Variants in SMAD3 observed in about 807,000 individuals in gnomAD.
SMAD3 encodes the protein MAD homolog 3.
SMAD3 carries 12 observed loss-of-function variants against 51.8 expected under a neutral mutation model. The ratio of observed to expected loss-of-function variants is 0.23; its 90% CI spans 0.15 to 0.38. The LOEUF is 0.38. Among genes scored for constraint, SMAD3 ranks in the 10% least tolerant of loss-of-function variants. SMAD3 has a pLI of 1.00. For missense variants in SMAD3, 294 were observed against 565.6 expected (o/e 0.52, Z 4.87); for synonymous variants, 238 against 227.7 (o/e 1.05, Z -0.41).
intron 1 of SMAD3, among the ~76,000 whole-genome samples, chr15:67,153,040 G>A (rs1336386099): frequency 1.3e-5 from 2 of 152,266 alleles, no homozygotes; most frequent in Admixed American, 6.5e-5. Flanking sequence ...TCAAGCCCAG[G>A]CACTGTTCCT....
intron 1 of SMAD3, among the ~76,000 whole-genome samples, chr15:67,155,875 T>C (rs1042288321): frequency 1.3e-5 from 2 of 151,806 alleles, no homozygotes; most frequent in Admixed American, 6.6e-5. Context: ...TAATCCCAGC[T>C]ACTCAGGAGG....
chr15:67,093,448 T>A (rs1348586285), intron 1 of SMAD3, among the ~76,000 whole-genome samples: 1 of 151,880 alleles, frequency 6.6e-6, no homozygotes, highest in Admixed American at 6.6e-5. Flanking sequence ...GTAGGAAGGG[T>A]GGCTGGATTG....
chr15:67,151,139 G>T (rs947042661), intron 1 of SMAD3, among the ~76,000 whole-genome samples: 6 of 151,568 alleles, frequency 4.0e-5, no homozygotes, highest in African/African-American at 1.5e-4. Flanking sequence ...GATTACAGAC[G>T]TGAGCCACCA....
Position 67,110,639 on chromosome 15 carries a change from CTG to C in SMAD3, c.206+44284_206+44285del, listed in dbSNP as rs1413792236. ...CTCTCTGTGTCTGTGACATCCAGCC[CTG>C]TGTGGGCTACCCTGGTTGCAAAGTG... On this transcript the variant is annotated intron_variant, in intron 1 of 8. Coordinates refer to ENST00000327367, the MANE Select transcript of SMAD3 (RefSeq NM_005902.4). Among the ~76,000 whole-genome samples the C allele has an allele frequency of 4.6e-5, 7 of 152,206 alleles. No homozygotes were observed. The East Asian group carries it at 1.3e-3, about 29-fold the overall frequency.
chr15:67,182,829 C>CTGTT (rs879113275), intron 6 of SMAD3, among the ~76,000 whole-genome samples: 17 of 151,080 alleles, frequency 1.1e-4, no homozygotes, highest in Non-Finnish European at 2.4e-4. Flanking sequence ...TGGCATACCA[C>CTGTT]TGTTTGATTG....
intron 1 of SMAD3, among the ~76,000 whole-genome samples, chr15:67,081,931 TGGGTTA>T (rs1452932793): frequency 6.6e-6 from 1 of 152,204 alleles, no homozygotes; most frequent in East Asian, 1.9e-4. Context: ...AAATTTTATT[TGGGTTA>T]GTGCAAAAGT....
chr15:67,127,939 T>C (rs1016489376), intron 1 of SMAD3, among the ~76,000 whole-genome samples: 1 of 152,352 alleles, frequency 6.6e-6, no homozygotes, highest in South Asian at 2.1e-4. Flanking sequence ...GCCTTGCTAA[T>C]GTGTTCCTCT....
intron 1 of SMAD3, among the ~76,000 whole-genome samples, chr15:67,130,345 G>A (rs867967624): frequency 2.6e-5 from 4 of 152,174 alleles, no homozygotes; most frequent in Admixed American, 1.3e-4. Context: ...CCCCAACCCC[G>A]GGGCCGTGGA....
chr15:67,130,886 G>A (rs372825190), intron 1 of SMAD3, among the ~76,000 whole-genome samples: 3 of 151,894 alleles, frequency 2.0e-5, no homozygotes, highest in African/African-American at 4.8e-5. Context: ...GATAGCTAGT[G>A]GGGGGTATGA....
At chr15:67,102,795 G>A (rs1383498243) in intron 1 of SMAD3, among the ~76,000 whole-genome samples, 1 of 152,094 alleles carries the variant, frequency 6.6e-6, no homozygotes, top group Non-Finnish European at 1.5e-5. Flanking sequence ...AAGTTCTTTG[G>A]AAGTGACCGC....
Position 67,113,094 on chromosome 15 carries a change from A to AT in SMAD3, c.206+46741dup, listed in dbSNP as rs1555408280. ...TATATGTGTATATATATATATATAT[A>AT]TTTTTTTGAGACAGAGTCTTGCTCT... On this transcript the variant is annotated intron_variant, in intron 1 of 8. Transcript: ENST00000327367. Among the ~76,000 whole-genome samples, 6 of 112,564 alleles carry AT rather than the reference A, an allele frequency of 5.3e-5. 2 individuals carry two copies. Among genetic ancestry groups the AT allele is most frequent in the African/African-American group, 2.1e-4 (6 of 28,070 alleles). The allele number at this position is 112,564 out of a possible 152,430, so 73.8% of individuals were successfully genotyped here.
intron 3 of SMAD3, 103 bp from the exon 4 acceptor site, chr15:67,166,676 G>T (rs914002260): frequency 1.3e-6 from 1 of 790,890 alleles, no homozygotes; most frequent in Non-Finnish European, 2.2e-6. Context: ...CTACAGCCAC[G>T]GATGCTAGCA....
chr15:67,125,845 G>A (rs573304800), intron 1 of SMAD3: 12 of 985,428 alleles, frequency 1.2e-5, no homozygotes, highest in East Asian at 1.1e-4. Flanking sequence ...CAAGAGCCGC[G>A]GCACTGGGGT....
intron 1 of SMAD3, among the ~76,000 whole-genome samples, chr15:67,100,355 C>T (rs1960723689): frequency 6.6e-6 from 1 of 151,890 alleles, no homozygotes; most frequent in African/African-American, 2.4e-5. Context: ...TAGTAGTTGC[C>T]AGGGATGGAG....
rs534450546 is a variant in SMAD3 at position 67,073,749 on chromosome 15, A to C, written c.206+7389A>C. On this transcript the variant is annotated intron_variant, in intron 1 of 8. Transcript: ENST00000327367. Reference sequence around the variant, plus strand: ...AAGTGCAATGGCGCGGTCTTGCCTCACTGCAACCTCCGCTTCCCAGGTTCA... The same window carrying C: ...AAGTGCAATGGCGCGGTCTTGCCTCCCTGCAACCTCCGCTTCCCAGGTTCA... 6.6e-5 allele frequency among the ~76,000 whole-genome samples: 10 copies of C among 152,318 alleles called. No individual in the cohort carries two copies. In the South Asian group the frequency reaches 2.1e-3, roughly 32 times the overall value.
chr15:67,165,841 T>C (rs1962572197), intron 3 of SMAD3, among the ~76,000 whole-genome samples: 1 of 152,192 alleles, frequency 6.6e-6, no homozygotes, highest in Non-Finnish European at 1.5e-5. Context: ...TGGGTGGGAA[T>C]TGAAGTGACT....
intron 1 of SMAD3, among the ~76,000 whole-genome samples, chr15:67,127,754 C>T (rs999105478): frequency 6.6e-5 from 10 of 152,154 alleles, no homozygotes; most frequent in African/African-American, 2.4e-4. Context: ...ACTGTACACG[C>T]TTATGGTCAG....
At chr15:67,172,910 G>A (rs1212273341) in intron 5 of SMAD3, among the ~76,000 whole-genome samples, 4 of 152,128 alleles carry the variant, frequency 2.6e-5, no homozygotes, top group South Asian at 2.1e-4. Context: ...TGTGGCTCCC[G>A]GGGGGAAGCC....
chr15:67,111,111 A>G (rs770561791), intron 1 of SMAD3, among the ~76,000 whole-genome samples: 15 of 152,242 alleles, frequency 9.9e-5, no homozygotes, highest in Non-Finnish European at 7.3e-5. Flanking sequence ...AACATTTTCA[A>G]CACCACAAAA....
Sources: allele counts gnomAD v4.1 joint callset (sites outside exome capture counted in the v4.1 genomes callset), GRCh38; gene constraint gnomAD v4.1.1; transcripts MANE v1.5; gene names NCBI Gene and HGNC (gene_info 2026-07-23, HGNC 2026-07-21).